Variants in AGBL1 observed in about 807,000 individuals in gnomAD.
The protein encoded by AGBL1 is cytosolic carboxypeptidase 4.
A neutral mutation model predicts 118.9 loss-of-function variants in AGBL1; 130 were observed. The ratio of observed to expected loss-of-function variants is 1.09; its 90% CI spans 0.95 to 1.26. The LOEUF is 1.26. AGBL1 is among the 50% of genes most tolerant of loss of function. The pLI, the probability that AGBL1 is intolerant of heterozygous loss-of-function variation, is 0.00. For missense variants in AGBL1, 1,584 were observed against 1,298.1 expected, an observed-to-expected ratio of 1.22 and a Z score of -3.38; for synonymous variants, 555 against 478.9, an observed-to-expected ratio of 1.16 and a Z score of -2.08.
intron 1 of AGBL1, among the ~76,000 whole-genome samples, chr15:86,128,890 C>G (rs1168130885): frequency 6.6e-6 from 1 of 152,180 alleles, no homozygotes; most frequent in East Asian, 1.9e-4. Flanking sequence ...ACCTTACTGA[C>G]CTATTTACAA....
At chr15:86,658,795 G>A (rs2085498100) in intron 21 of AGBL1, among the ~76,000 whole-genome samples, 2 of 152,222 alleles carry the variant, frequency 1.3e-5, no homozygotes, top group South Asian at 4.1e-4. Flanking sequence ...CATGTGTTTG[G>A]GGTTTGATTT....
chr15:86,391,017 T>TTAA (rs1410608393), intron 17 of AGBL1, among the ~76,000 whole-genome samples: 1 of 121,044 alleles, frequency 8.3e-6, no homozygotes, highest in Non-Finnish European at 1.8e-5. Context: ...ACTATGGTGA[T>TTAA]AAAAAAAAAA....
chr15:86,162,963 C>T (rs1248650033), intron 5 of AGBL1, among the ~76,000 whole-genome samples: 1 of 152,222 alleles, frequency 6.6e-6, no homozygotes, highest in Non-Finnish European at 1.5e-5. Context: ...CAAACATCCT[C>T]CAGAGATTTG....
At chr15:86,527,694 G>A (rs1407511688) in intron 19 of AGBL1, among the ~76,000 whole-genome samples, 1 of 152,142 alleles carries the variant, frequency 6.6e-6, no homozygotes, top group Non-Finnish European at 1.5e-5. Context: ...CTTTATGGTG[G>A]CTAGGAAGAT....
chr15:86,527,595 T>C (rs936489041), intron 19 of AGBL1, among the ~76,000 whole-genome samples: 2 of 152,198 alleles, frequency 1.3e-5, no homozygotes, highest in African/African-American at 4.8e-5. Flanking sequence ...TATCCTGTAC[T>C]GGGAAGATTT....
intron 23 of AGBL1, among the ~76,000 whole-genome samples, chr15:86,932,473 G>A (rs1009228004): frequency 3.3e-5 from 5 of 152,162 alleles, no homozygotes; most frequent in African/African-American, 1.2e-4. Flanking sequence ...CAAAGGGTGC[G>A]TGGAAACTCT....
chr15:86,930,386 A>T (rs981670180), intron 23 of AGBL1, among the ~76,000 whole-genome samples: 3 of 152,078 alleles, frequency 2.0e-5, no homozygotes, highest in Admixed American at 6.6e-5. Flanking sequence ...TGAGGCAGGG[A>T]GGGACAGGGG....
chr15:86,713,426 C>T (rs1278279433), intron 22 of AGBL1, among the ~76,000 whole-genome samples: 1 of 152,114 alleles, frequency 6.6e-6, no homozygotes, highest in South Asian at 2.1e-4. Flanking sequence ...TTAATTATGG[C>T]TATGGAAGTG....
At chr15:86,898,780 T>C (rs2080169164) in intron 22 of AGBL1, among the ~76,000 whole-genome samples, 1 of 151,652 alleles carries the variant, frequency 6.6e-6, no homozygotes, top group Non-Finnish European at 1.5e-5. Context: ...AGTAAGAATA[T>C]GAAAAAAAAA....
chr15:86,779,716 A>T (rs1042429273), intron 22 of AGBL1, among the ~76,000 whole-genome samples: 2 of 152,142 alleles, frequency 1.3e-5, no homozygotes, highest in Non-Finnish European at 2.9e-5. Flanking sequence ...ATTTTTTGTA[A>T]TGGGGAAATA....
At chr15:86,662,054 A>G (rs1243324397) in intron 21 of AGBL1, among the ~76,000 whole-genome samples, 1 of 152,210 alleles carries the variant, frequency 6.6e-6, no homozygotes, top group East Asian at 1.9e-4. Context: ...TCACTTCTGA[A>G]TACTTGGCCT....
At chr15:86,838,005 A>C (rs995851134) in intron 22 of AGBL1, among the ~76,000 whole-genome samples, 3 of 152,248 alleles carry the variant, frequency 2.0e-5, no homozygotes, top group South Asian at 4.1e-4. Context: ...ATTGAATTGC[A>C]ATTACAGGTT....
At chr15:87,019,904 G>T (rs542416981) in intron 24 of AGBL1, among the ~76,000 whole-genome samples, 8 of 151,568 alleles carry the variant, frequency 5.3e-5, no homozygotes, top group Middle Eastern at 3.4e-3. Flanking sequence ...AAGAATCAAA[G>T]AAACAAGTCA....
chr15:86,427,600 C>G (rs2081882939), intron 18 of AGBL1, among the ~76,000 whole-genome samples: 1 of 150,572 alleles, frequency 6.6e-6, no homozygotes, highest in African/African-American at 2.4e-5. Context: ...GCAAGGTGAC[C>G]ATTCATAAAG....
rs12324487 is a variant in AGBL1, at chr15:86,965,526, T to C, written c.3222-22461T>C. ...GTTTAAGTTCTTTATAGATTCTGGA[T>C]ATTAGCCCTTTGTCAGATGGATAGA... On this transcript the variant is annotated intron_variant, in intron 23 of 24. Coordinates refer to the AGBL1 transcript ENST00000441037. Among the ~76,000 whole-genome samples the C allele has an allele frequency of 6.8e-3, 1,028 of 152,172 alleles. 9 individuals carry two copies. Among genetic ancestry groups the C allele is most frequent in the African/African-American group, 0.024 (982 of 41,544 alleles).
chr15:86,181,379 A>C (rs1414377834), intron 5 of AGBL1, among the ~76,000 whole-genome samples: 1 of 152,130 alleles, frequency 6.6e-6, no homozygotes, highest in Admixed American at 6.5e-5. Context: ...ATAAATCTCA[A>C]AATAATTATG....
intron 5 of AGBL1, among the ~76,000 whole-genome samples, chr15:86,192,572 AACTCC>A (rs1426016620): frequency 6.6e-6 from 1 of 152,142 alleles, no homozygotes; most frequent in African/African-American, 2.4e-5. Context: ...AAAAGTGTTT[AACTCC>A]TTTGACCCAG....
chr15:86,476,261 C>T (rs968658819), intron 18 of AGBL1, among the ~76,000 whole-genome samples: 1 of 152,116 alleles, frequency 6.6e-6, no homozygotes. Flanking sequence ...GGGCTAAATG[C>T]TCCAATTAAA....
chr15:86,658,770 T>A (rs1301797034), intron 21 of AGBL1, among the ~76,000 whole-genome samples: 1 of 152,290 alleles, frequency 6.6e-6, no homozygotes, highest in East Asian at 1.9e-4. Flanking sequence ...ATTAATAATT[T>A]AGCACTTGTT....
Sources: allele counts gnomAD v4.1 joint callset (sites outside exome capture counted in the v4.1 genomes callset), GRCh38; gene constraint gnomAD v4.1.1; transcripts MANE v1.5; gene names NCBI Gene and HGNC (gene_info 2026-07-23, HGNC 2026-07-21).